ALMS1: variants seen among roughly 807,000 people sequenced by gnomAD.
ALMS1 encodes centrosome-associated protein ALMS1.
A neutral mutation model predicts 352.2 loss-of-function variants in ALMS1; 271 were observed. That is an observed-to-expected ratio of 0.77 (90% CI 0.70 to 0.85). The LOEUF (loss-of-function observed/expected upper bound fraction) is 0.85, where lower values mean the gene tolerates loss of function less well. Among genes scored for constraint, ALMS1 ranks in the 40% least tolerant of loss-of-function variants. The probability of loss-of-function intolerance (pLI) is 0.00; values close to 1 mark genes in which losing one functional copy is unlikely to be tolerated. For synonymous variants in ALMS1, 1,865 were observed against 1,761.2 expected, an observed-to-expected ratio of 1.06 and a Z score of -1.48; for missense variants, 5,445 against 4,870.7, an observed-to-expected ratio of 1.12 and a Z score of -3.51.
chr2:73,460,772 C>T (rs1443325097), intron 9 of ALMS1, among the ~76,000 whole-genome samples: 5 of 152,360 alleles, frequency 3.3e-5, no homozygotes, highest in Admixed American at 6.5e-5. Context: ...GCTTAAAAAA[C>T]GGCACACCAG....
At chr2:73,602,128 G>C (rs1164321496) in intron 19 of ALMS1, 57 bp from the exon 20 acceptor site, 12 of 1,539,156 alleles carry the variant, frequency 7.8e-6, no homozygotes, top group Non-Finnish European at 1.1e-5. Flanking sequence ...GGCATATGGA[G>C]AGTAGATTGC....
chr2:73,447,281 A>G (rs1671827044), intron 7 of ALMS1, among the ~76,000 whole-genome samples: 1 of 152,164 alleles, frequency 6.6e-6, no homozygotes, highest in South Asian at 2.1e-4. Context: ...CTAGATTTTT[A>G]CATTCCCTTC....
chr2:73,590,467 A>T (rs1675404859), intron 16 of ALMS1, among the ~76,000 whole-genome samples: 1 of 152,194 alleles, frequency 6.6e-6, no homozygotes, highest in African/African-American at 2.4e-5. Flanking sequence ...ATGCAGTAAA[A>T]TTGAACTTAA....
chr2:73,399,143 G>A (rs555725725), intron 1 of ALMS1, among the ~76,000 whole-genome samples: 14 of 152,228 alleles, frequency 9.2e-5, no homozygotes, highest in East Asian at 3.9e-4. Flanking sequence ...GAGCCACTGC[G>A]CCTGGCCTGG....
intron 9 of ALMS1, chr2:73,470,825 A>G (rs927834313): frequency 6.6e-6 from 1 of 151,748 alleles, no homozygotes; most frequent in Non-Finnish European, 1.5e-5. Context: ...ATATCTTCCT[A>G]ATGAATTGAC....
chr2:73,465,920 C>G (rs980441285), intron 9 of ALMS1, among the ~76,000 whole-genome samples: 8 of 152,132 alleles, frequency 5.3e-5, no homozygotes, highest in African/African-American at 1.7e-4. Flanking sequence ...AAATGCAAAT[C>G]AAAACCACAA....
intron 10 of ALMS1, among the ~76,000 whole-genome samples, chr2:73,499,220 G>A (rs2103915636): frequency 6.6e-6 from 1 of 152,200 alleles, no homozygotes; most frequent in African/African-American, 2.4e-5. Flanking sequence ...CTATGGAATT[G>A]TTTGAGCTCT....
rs568150165 is a variant in ALMS1, at chr2:73,544,293, A to G, written c.9908-5974A>G. On this transcript the variant is annotated intron_variant, in intron 12 of 22. Transcript: ENST00000613296. ...AAAAAACCAAACACTGCATGTTGTC[A>G]CTCATAGGTGGGAATTGAACAATGA... Among the ~76,000 whole-genome samples the G allele has an allele frequency of 1.2e-4, 18 of 152,276 alleles. No homozygotes were observed. In the South Asian group the frequency reaches 3.3e-3, roughly 28 times the overall value.
Position 73,484,138 on chromosome 2 carries a change from C to T in ALMS1, c.7675-5496C>T, listed in dbSNP as rs1413778131. Among the ~76,000 whole-genome samples, 4 of 151,644 alleles carry T rather than the reference C, an allele frequency of 2.6e-5. No homozygotes were observed. The East Asian group carries it at 7.7e-4, about 29-fold the overall frequency. On this transcript the variant is annotated intron_variant, in intron 9 of 22. Transcript: ENST00000613296. ...ATTATGATGTTAGCTGGTTATTTTG[C>T]TCATTAGTTGATGCAGTTTCTTCCT...
At chr2:73,461,006 C>CA (rs1672185722) in intron 9 of ALMS1, among the ~76,000 whole-genome samples, 1 of 152,234 alleles carries the variant, frequency 6.6e-6, no homozygotes, top group Admixed American at 6.5e-5. Flanking sequence ...GGCTCCACCT[C>CA]TGGGGGCAGG....
intron 9 of ALMS1, among the ~76,000 whole-genome samples, chr2:73,475,848 G>A (rs1207222830): frequency 1.3e-5 from 2 of 151,846 alleles, no homozygotes; most frequent in East Asian, 3.9e-4. Flanking sequence ...TTTATATTTA[G>A]ATCTGTGGTT....
intron 9 of ALMS1, among the ~76,000 whole-genome samples, chr2:73,476,454 A>T (rs919859910): frequency 1.3e-5 from 2 of 152,012 alleles, no homozygotes; most frequent in African/African-American, 4.8e-5. Flanking sequence ...TTCTACTTTT[A>T]AGTTTTTGAG....
In ALMS1 at chr2:73,451,074, C is replaced by G; in HGVS notation, c.4547C>G (p.Pro1516Arg). The change falls in exon 8 of 23, where the codon CCA becomes CGA. Residue 1516 changes from proline to arginine, a missense_variant. By Grantham distance (103) the Pro-to-Arg change is moderately radical. Transcript: ENST00000613296. Reference protein sequence around the residue: ...PGPVGQTTGAPTITSPSYSQH... With the variant: ...PGPVGQTTGARTITSPSYSQH... Reference sequence around the variant, plus strand: ...CCAGTTGGCCAGACAACTGGCGCACCAACTATAACCTCTCCTTCCTACTCA... The same window carrying G: ...CCAGTTGGCCAGACAACTGGCGCACGAACTATAACCTCTCCTTCCTACTCA... The G allele has an allele frequency of 6.2e-7, 1 of 1,613,402 alleles. No homozygotes were observed.
At chr2:73,608,876 T>C (rs1393131120) in intron 22 of ALMS1, among the ~76,000 whole-genome samples, 2 of 152,194 alleles carry the variant, frequency 1.3e-5, no homozygotes, top group Admixed American at 1.3e-4. Flanking sequence ...AATTATCAGG[T>C]TTCCATTCCA....
At chr2:73,522,361 C>T (rs1023190371) in intron 11 of ALMS1, among the ~76,000 whole-genome samples, 3 of 152,036 alleles carry the variant, frequency 2.0e-5, no homozygotes, top group South Asian at 2.1e-4. Flanking sequence ...ACTACGGGAA[C>T]GACCAAATAG....
chr2:73,510,876 A>G (rs950959903), intron 10 of ALMS1, among the ~76,000 whole-genome samples: 4 of 152,264 alleles, frequency 2.6e-5, no homozygotes, highest in Middle Eastern at 3.4e-3. Flanking sequence ...TAAGCCCCTG[A>G]CTGGGGCTGC....
rs574333100 is a variant in ALMS1 at position 73,423,126 on chromosome 2, G to C, written c.764+152G>C. 7.7e-5 allele frequency: 54 copies of C among 702,780 alleles called. No individual in the cohort carries two copies. The African/African-American group carries it at 8.3e-4, about 11-fold the overall frequency. 43.5% of individuals were successfully genotyped at this position (702,780 alleles called of 1,614,324 possible). ...GTAACAAAGTCCTGTACTAAGACTT[G>C]ATGCATATTAATTTGGCAGAGTAAC... On this transcript the variant is annotated intron_variant, in intron 4 of 22. Transcript: ENST00000613296.
chr2:73,449,524 T>G lies in ALMS1; in HGVS notation c.2997T>G (p.Pro999=), dbSNP rs1427354998. 2.5e-6 allele frequency: 4 copies of G among 1,613,970 alleles called. No individual in the cohort carries two copies. The Admixed American group carries it at 6.7e-5, about 27-fold the overall frequency. Residue 999 remains proline, a synonymous_variant, in exon 8 of 23, where the codon CCT becomes CCG. Coordinates refer to ENST00000613296, the MANE Select transcript of ALMS1 (RefSeq NM_001378454.1). ...AGACTGTCCCAACACCAACAGTACC[T>G]TCAGGTTCCTTCTCACATAGAGAGA... The part of the protein sequence containing the change: ...DQKTVPTPTV[P]SGSFSHREKP...
At position 73,450,326 on chromosome 2, in the gene ALMS1, G is replaced by A. The variant is rs770278707; in HGVS notation, c.3799G>A (p.Val1267Ile). The change falls in exon 8 of 23, where the codon GTT becomes ATT. Residue 1267 changes from valine to isoleucine, a missense_variant. Val to Ile is a conservative substitution (Grantham distance 29, BLOSUM62 3). Transcript: ENST00000613296. ...AACTGAAGAGGCTCTGAAAATTTCAGTTGCCTCTGAACCAGTTGACCAGAC... is the reference window on the plus strand; with the variant it reads ...AACTGAAGAGGCTCTGAAAATTTCAATTGCCTCTGAACCAGTTGACCAGAC... ...HPTEEALKIS[V>I]ASEPVDQTTG... The A allele has an allele frequency of 1.2e-5, 19 of 1,613,100 alleles. No individual in the cohort carries two copies. The highest frequency in any genetic ancestry group is 2.2e-5 in the East Asian group (1 of 44,828).
Sources: allele counts gnomAD v4.1 joint callset (sites outside exome capture counted in the v4.1 genomes callset), GRCh38; gene constraint gnomAD v4.1.1; transcripts MANE v1.5; gene names NCBI Gene and HGNC (gene_info 2026-07-23, HGNC 2026-07-21).